The following MINDY2 variants were observed in gnomAD, a reference collection of about 807,000 sequenced individuals.
MINDY2 encodes the protein MINDY lysine 48 deubiquitinase 2.
In MINDY2, 52 loss-of-function variants were observed where a neutral mutation model predicts 68.2. The ratio of observed to expected loss-of-function variants is 0.76; its 90% CI spans 0.61 to 0.96. The LOEUF (loss-of-function observed/expected upper bound fraction) is 0.96. MINDY2 is among the 40% of genes least tolerant of loss of function. The probability of loss-of-function intolerance (pLI) is 0.00; values close to 1 mark genes in which losing one functional copy is unlikely to be tolerated. For missense variants in MINDY2, 881 were observed against 773.4 expected, an observed-to-expected ratio of 1.14 and a Z score of -1.65; for synonymous variants, 372 against 303.0, an observed-to-expected ratio of 1.23 and a Z score of -2.36.
chr15:58,829,062 C>T (rs1216237977), intron 5 of MINDY2, among the ~76,000 whole-genome samples: 2 of 152,006 alleles, frequency 1.3e-5, no homozygotes, highest in South Asian at 2.1e-4. Flanking sequence ...CCTCTTTGAG[C>T]GTTATAATGA....
Position 58,856,027 on chromosome 15 carries a change from C to G in MINDY2, c.*1417C>G, listed in dbSNP as rs1187816568. The G allele has an allele frequency of 6.6e-6, 1 of 152,588 alleles. No individual in the cohort carries two copies. Among genetic ancestry groups the G allele is most frequent in the Non-Finnish European group, 1.5e-5 (1 of 68,032 alleles). 9.5% of individuals were successfully genotyped at this position (152,588 alleles called of 1,614,324 possible). ...TAACCTCATAGTGTTTATAAGAACT[C>G]AGAAATAATATTTATTTAACTTTAT... On this transcript the variant is annotated 3_prime_UTR_variant, in exon 9 of 9. Transcript: ENST00000559228.
At chr15:58,846,819 A>C (rs188279834) in intron 6 of MINDY2, among the ~76,000 whole-genome samples, 375 of 152,264 alleles carry the variant, frequency 2.5e-3, no homozygotes, top group Non-Finnish European at 4.2e-3. Flanking sequence ...TGATAATACA[A>C]ACTAGGTACA....
intron 1 of MINDY2, among the ~76,000 whole-genome samples, chr15:58,777,873 C>T (rs1368265096): frequency 2.0e-5 from 3 of 151,896 alleles, no homozygotes; most frequent in African/African-American, 7.3e-5. Flanking sequence ...CAAATTATAC[C>T]AGGTAAATTT....
intron 6 of MINDY2, among the ~76,000 whole-genome samples, chr15:58,842,244 G>C (rs1385205392): frequency 6.6e-5 from 10 of 151,948 alleles, no homozygotes; most frequent in African/African-American, 2.2e-4. Flanking sequence ...CGTTTTTGAG[G>C]TTGGTTGTTT....
At position 58,851,781 on chromosome 15, in the gene MINDY2, T is replaced by C. The variant is rs376405828; in HGVS notation, c.1553T>C (p.Met518Thr). 24 of 1,578,726 alleles carry C rather than the reference T, an allele frequency of 1.5e-5. No homozygotes were observed. The highest frequency in any genetic ancestry group is 1.9e-5 in the Non-Finnish European group (22 of 1,169,590). The change falls in exon 8 of 9, where the codon ATG (methionine) becomes ACG (threonine). Residue 518 changes from methionine to threonine, a missense_variant. Met to Thr is a moderately conservative substitution (Grantham distance 81). Transcript: ENST00000559228. Reference protein sequence around the residue: ...QQDQIDQDYLMALSLQQEQQS... With the variant: ...QQDQIDQDYLTALSLQQEQQS... ...AATTTAATTTATTAGGATTATCTTA[T>C]GGCATTATCTCTACAACAAGAACAG...
chr15:58,849,715 T>C (rs755898513), intron 7 of MINDY2, among the ~76,000 whole-genome samples: 24 of 152,180 alleles, frequency 1.6e-4, no homozygotes, highest in Non-Finnish European at 2.2e-4. Flanking sequence ...AGTCATGCTA[T>C]ATATATGACA....
At chr15:58,815,069 T>TTA (rs2030586854) in intron 4 of MINDY2, among the ~76,000 whole-genome samples, 1 of 152,196 alleles carries the variant, frequency 6.6e-6, no homozygotes, top group Admixed American at 6.5e-5. Context: ...AAGAGTTTTA[T>TTA]AGTTTTAGCA....
chr15:58,843,084 G>C (rs768526234), intron 6 of MINDY2, among the ~76,000 whole-genome samples: 1 of 152,180 alleles, frequency 6.6e-6, no homozygotes, highest in Non-Finnish European at 1.5e-5. Flanking sequence ...AAGTACCTTA[G>C]AAACTTCAAA....
intron 2 of MINDY2, among the ~76,000 whole-genome samples, chr15:58,788,359 T>C (rs1191728561): frequency 6.6e-6 from 1 of 152,204 alleles, no homozygotes; most frequent in Non-Finnish European, 1.5e-5. Context: ...TTCATGGACC[T>C]ATGCCAATCT....
chr15:58,846,196 CTA>C (rs755093667), intron 6 of MINDY2, among the ~76,000 whole-genome samples: 26 of 151,672 alleles, frequency 1.7e-4, no homozygotes, highest in Admixed American at 3.3e-4. Flanking sequence ...TTTAAAATAA[CTA>C]AAAGTATAAT....
At chr15:58,846,146 C>G (rs2032523370) in intron 6 of MINDY2, among the ~76,000 whole-genome samples, 1 of 149,270 alleles carries the variant, frequency 6.7e-6, no homozygotes, top group Admixed American at 6.7e-5. Flanking sequence ...TTTGCTAACA[C>G]AAGAGTGTGA....
At chr15:58,831,107 C>G (rs2031705867) in intron 5 of MINDY2, among the ~76,000 whole-genome samples, 2 of 147,946 alleles carry the variant, frequency 1.4e-5, no homozygotes, top group South Asian at 4.2e-4. Flanking sequence ...TATTGTATTT[C>G]AAAAACAAAA....
At chr15:58,852,035 C>A in intron 8 of MINDY2, 70 bp downstream of exon 8, 1 of 1,256,866 alleles carries the variant, frequency 8.0e-7, no homozygotes, top group Non-Finnish European at 1.1e-6. Flanking sequence ...ACCTGTATTC[C>A]CAGCCCTTTG....
intron 6 of MINDY2, among the ~76,000 whole-genome samples, chr15:58,845,175 G>C (rs1357244030): frequency 6.6e-6 from 1 of 152,042 alleles, no homozygotes; most frequent in Non-Finnish European, 1.5e-5. Flanking sequence ...GGAGGCCCAG[G>C]TGGGCAGATC....
At chr15:58,825,264 C>A (rs1211311224) in intron 5 of MINDY2, among the ~76,000 whole-genome samples, 2 of 152,150 alleles carry the variant, frequency 1.3e-5, no homozygotes, top group African/African-American at 4.8e-5. Flanking sequence ...GTTCTTTCAA[C>A]TTCTTTTAGA....
chr15:58,810,529 C>A, intron 4 of MINDY2, 141 bp downstream of exon 4: 2 of 738,642 alleles, frequency 2.7e-6, no homozygotes, highest in African/African-American at 1.8e-5. Context: ...AGGTTAAGAA[C>A]AGAGTCCTCC....
intron 4 of MINDY2, among the ~76,000 whole-genome samples, chr15:58,811,039 A>G (rs138790849): frequency 1.2e-3 from 187 of 152,320 alleles, no homozygotes; most frequent in African/African-American, 4.1e-3. Flanking sequence ...AGCTGACACC[A>G]TGTGGTTCAA....
At chr15:58,787,881 A>G (rs185935738) in intron 1 of MINDY2, 25 bp from the exon 2 acceptor site, 8 of 1,525,486 alleles carry the variant, frequency 5.2e-6, no homozygotes, top group African/African-American at 2.8e-5. Flanking sequence ...ATTTAATTTT[A>G]TAGAAATAAT....
intron 4 of MINDY2, among the ~76,000 whole-genome samples, chr15:58,816,531 A>T (rs2030700569): frequency 6.6e-6 from 1 of 152,016 alleles, no homozygotes; most frequent in Non-Finnish European, 1.5e-5. Context: ...TCAGCCTCCC[A>T]AGTAGCTGGG....
Sources: gnomAD v4.1 joint callset for allele counts (sites outside exome capture counted in the v4.1 genomes callset) on GRCh38, gnomAD v4.1.1 for gene constraint, MANE v1.5 for transcripts, NCBI Gene and HGNC (gene_info 2026-07-23, HGNC 2026-07-21) for gene names.